ZMAT4: variants seen among roughly 807,000 people sequenced by gnomAD.
ZMAT4 encodes the protein zinc finger matrin-type protein 4.
In ZMAT4, 17 loss-of-function variants were observed where a neutral mutation model predicts 28.7. The observed-to-expected ratio is 0.59, with a 90% CI of 0.41 to 0.89. The LOEUF (loss-of-function observed/expected upper bound fraction) is 0.89. ZMAT4 is among the 40% of genes least tolerant of loss of function. The probability of loss-of-function intolerance (pLI) is 0.00; values close to 1 mark genes in which losing one functional copy is unlikely to be tolerated. For synonymous variants in ZMAT4, 117 were observed against 109.2 expected, an observed-to-expected ratio of 1.07 and a Z score of -0.44; for missense variants, 240 against 283.8, an observed-to-expected ratio of 0.85 and a Z score of 1.11.
chr8:40,690,429 C>T (rs913489163), intron 4 of ZMAT4, among the ~76,000 whole-genome samples: 3 of 152,188 alleles, frequency 2.0e-5, no homozygotes, highest in Non-Finnish European at 4.4e-5. Context: ...TCAACTGGAA[C>T]AAATGCACTG....
chr8:40,600,079 C>G (rs555036837), intron 5 of ZMAT4, among the ~76,000 whole-genome samples: 9 of 152,374 alleles, frequency 5.9e-5, no homozygotes, highest in Non-Finnish European at 7.3e-5. Context: ...ATCTTTCTAT[C>G]TAACCCCACA....
intron 3 of ZMAT4, among the ~76,000 whole-genome samples, chr8:40,763,020 C>T (rs11781404): frequency 0.22 from 32,903 of 152,102 alleles, 3,759 homozygotes; most frequent in Non-Finnish European, 0.25. Context: ...TTAGCTCACC[C>T]AAATCTATCC....
At chr8:40,782,903 GAC>G (rs1454299827) in intron 2 of ZMAT4, among the ~76,000 whole-genome samples, 1 of 152,206 alleles carries the variant, frequency 6.6e-6, no homozygotes, top group Non-Finnish European at 1.5e-5. Flanking sequence ...CCATCAGAAA[GAC>G]AGACAATAAC....
chr8:40,889,669 A>G (rs1446353225), intron 1 of ZMAT4, among the ~76,000 whole-genome samples: 1 of 152,164 alleles, frequency 6.6e-6, no homozygotes, highest in Non-Finnish European at 1.5e-5. Flanking sequence ...AATATATATT[A>G]TTAGCATTTT....
chr8:40,590,558 C>T (rs72636934), intron 5 of ZMAT4, among the ~76,000 whole-genome samples: 33,820 of 151,864 alleles, frequency 0.22, 4,404 homozygotes, highest in Non-Finnish European at 0.3. Context: ...CCATTTTAGA[C>T]AGCACGTCCT....
intron 5 of ZMAT4, among the ~76,000 whole-genome samples, chr8:40,625,548 G>A (rs1225516741): frequency 3.9e-5 from 6 of 152,058 alleles, no homozygotes; most frequent in South Asian, 2.1e-4. Context: ...TAGACTAAAC[G>A]TGACATTAGA....
chr8:40,764,483 G>C (rs1442546168), intron 3 of ZMAT4, among the ~76,000 whole-genome samples: 1 of 152,152 alleles, frequency 6.6e-6, no homozygotes, highest in Non-Finnish European at 1.5e-5. Flanking sequence ...GAGTTCCTAT[G>C]AATGGGGTGG....
chr8:40,554,081 G>T (rs1198445834), intron 6 of ZMAT4, among the ~76,000 whole-genome samples: 1 of 152,072 alleles, frequency 6.6e-6, no homozygotes, highest in Non-Finnish European at 1.5e-5. Context: ...GCATATCAAA[G>T]TCACCACAGT....
chr8:40,738,237 AAG>A (rs1811859002), intron 3 of ZMAT4, among the ~76,000 whole-genome samples: 1 of 149,498 alleles, frequency 6.7e-6, no homozygotes, highest in African/African-American at 2.6e-5. Context: ...AGTGGAGACA[AAG>A]AGAATTCATG....
intron 4 of ZMAT4, among the ~76,000 whole-genome samples, chr8:40,694,456 T>C (rs1168169227): frequency 6.6e-6 from 1 of 152,138 alleles, no homozygotes; most frequent in Non-Finnish European, 1.5e-5. Flanking sequence ...TCTCAGCCTA[T>C]CCTTTCCTAG....
chr8:40,775,276 A>G (rs948940962), intron 2 of ZMAT4, among the ~76,000 whole-genome samples: 2 of 152,212 alleles, frequency 1.3e-5, no homozygotes, highest in African/African-American at 2.4e-5. Flanking sequence ...TTGCGTTCCA[A>G]AAATGAAATT....
chr8:40,553,143 C>T (rs1179111643), intron 6 of ZMAT4, among the ~76,000 whole-genome samples: 1 of 152,144 alleles, frequency 6.6e-6, no homozygotes, highest in East Asian at 1.9e-4. Context: ...ATGTTAGCTT[C>T]CATCCTAGGA....
intron 5 of ZMAT4, among the ~76,000 whole-genome samples, chr8:40,597,728 T>C (rs1805151709): frequency 2.0e-5 from 3 of 152,350 alleles, no homozygotes; most frequent in Admixed American, 1.3e-4. Context: ...TTGATACATA[T>C]AGGTGCTCAA....
At chr8:40,606,201 A>G (rs972914273) in intron 5 of ZMAT4, among the ~76,000 whole-genome samples, 1 of 152,102 alleles carries the variant, frequency 6.6e-6, no homozygotes, top group Non-Finnish European at 1.5e-5. Flanking sequence ...GAGAGGTACT[A>G]TTCTCTTCAT....
At chr8:40,576,065 A>G (rs1804252814) in intron 6 of ZMAT4, among the ~76,000 whole-genome samples, 1 of 152,122 alleles carries the variant, frequency 6.6e-6, no homozygotes, top group Non-Finnish European at 1.5e-5. Context: ...CTCAAGCAGA[A>G]GAAATAATTT....
At chr8:40,848,578 C>A (rs909500327) in intron 1 of ZMAT4, among the ~76,000 whole-genome samples, 3 of 152,164 alleles carry the variant, frequency 2.0e-5, no homozygotes, top group Non-Finnish European at 4.4e-5. Context: ...TCACCATTCA[C>A]TAGTCATATA....
intron 4 of ZMAT4, among the ~76,000 whole-genome samples, chr8:40,691,827 G>A (rs1170055205): frequency 6.6e-6 from 1 of 152,098 alleles, no homozygotes; most frequent in Non-Finnish European, 1.5e-5. Context: ...ACCTGTGAAT[G>A]TTCCCATGGA....
chr8:40,805,682 C>G (rs1217362067), intron 2 of ZMAT4, among the ~76,000 whole-genome samples: 6 of 148,106 alleles, frequency 4.1e-5, no homozygotes, highest in Non-Finnish European at 5.9e-5. Flanking sequence ...AGTAAACTAT[C>G]GCAAGAACAA....
At chr8:40,885,703 C>T (rs573681020) in intron 1 of ZMAT4, among the ~76,000 whole-genome samples, 2 of 152,310 alleles carry the variant, frequency 1.3e-5, no homozygotes, top group East Asian at 3.9e-4. Context: ...TTCAAGGAAG[C>T]ACACCCTGTC....
Sources: allele counts gnomAD v4.1 joint callset (sites outside exome capture counted in the v4.1 genomes callset), GRCh38; gene constraint gnomAD v4.1.1; transcripts MANE v1.5; gene names NCBI Gene and HGNC (gene_info 2026-07-23, HGNC 2026-07-21).